DHX36: variants seen among roughly 807,000 people sequenced by gnomAD.
The protein encoded by DHX36 is DEAH-box helicase 36.
Under a neutral mutation model 139.0 loss-of-function variants are expected in DHX36, and 50 were observed. The observed-to-expected ratio is 0.36, with a 90% CI of 0.29 to 0.46. DHX36 has a LOEUF of 0.46. Ranked by LOEUF, DHX36 falls within the 20% of genes least tolerant of loss-of-function variation. The pLI is 1.00. For missense variants in DHX36, 1,024 were observed against 1,211.3 expected (o/e 0.85, Z 2.29); for synonymous variants, 425 against 401.9 (o/e 1.06, Z -0.69).
intron 18 of DHX36, 39 bp downstream of exon 18, chr3:154,284,775 A>C (rs1711505001): frequency 6.2e-7 from 1 of 1,608,348 alleles, no homozygotes; most frequent in Admixed American, 1.7e-5. Context: ...ACTCCTGTTC[A>C]CATCTAAAAT....
intron 13 of DHX36, among the ~76,000 whole-genome samples, chr3:154,294,740 T>G (rs1268275133): frequency 6.6e-6 from 1 of 152,132 alleles, no homozygotes; most frequent in Non-Finnish European, 1.5e-5. Context: ...TCTAATCAAT[T>G]TCATTTTGCA....
At chr3:154,305,609 G>A (rs1000308855) in intron 6 of DHX36, among the ~76,000 whole-genome samples, 13 of 152,060 alleles carry the variant, frequency 8.5e-5, no homozygotes, top group Admixed American at 5.2e-4. Context: ...GGCTCGAAAA[G>A]TAAAAAAATT....
rs954292951 is a variant in DHX36, at chr3:154,316,138, C to T, written c.269G>A (p.Arg90Gln). Reference sequence around the variant, plus strand: ...TAACTGTACAATTTGTTCTTCTCGTCGTTCATCCATGTGTACTACAGCTCT... The same window carrying T: ...TAACTGTACAATTTGTTCTTCTCGTTGTTCATCCATGTGTACTACAGCTCT... ...QERAVVHMDE[R>Q]REEQIVQLLN... The change falls in exon 2 of 25, where the codon CGA becomes CAA. Residue 90 changes from arginine to glutamine, a missense_variant. Arg to Gln is a conservative substitution (Grantham distance 43, BLOSUM62 1). Around this residue, in one of 4 missense-constraint regions of DHX36, gnomAD observed 293 missense variants for 274.4 expected, o/e 1.07. Transcript: ENST00000496811. The T allele has an allele frequency of 8.1e-6, 13 of 1,613,054 alleles. No individual in the cohort carries two copies. The East Asian group carries it at 2.0e-4, about 25-fold the overall frequency.
chr3:154,306,223 G>A lies in DHX36; in HGVS notation c.886C>T (p.Leu296Phe). 6.2e-7 allele frequency: 1 copy of A among 1,612,548 alleles called. No homozygotes were observed. The highest frequency in any genetic ancestry group is 8.5e-7 in the Non-Finnish European group (1 of 1,178,938). ...SGNSTGYQIRLQSRLPRKQGS... is the reference protein window; with the variant it reads ...SGNSTGYQIRFQSRLPRKQGS... ...GAAGTGAACATTTCTTACCTCTGGA[G>A]ACGAATTTGATATCCAGTACTATTA... Residue 296 changes from leucine (L) to phenylalanine (F), a missense_variant, in exon 6 of 25, where the codon CTC becomes TTC. Physicochemically the swap from Leu to Phe is conservative, Grantham distance 22. Transcript: ENST00000496811.
intron 15 of DHX36, among the ~76,000 whole-genome samples, chr3:154,291,134 C>CAAAAAAAAA (rs71152798): frequency 2.1e-4 from 13 of 61,052 alleles, no homozygotes; most frequent in African/African-American, 8.1e-4. Context: ...GACTCCGTCT[C>CAAAAAAAAA]AAAAAAAAAA....
chr3:154,284,506 AAT>A, intron 19 of DHX36, 75 bp downstream of exon 19: 2 of 1,299,964 alleles, frequency 1.5e-6, no homozygotes, highest in South Asian at 2.8e-5. Context: ...CAAAAGGTTA[AAT>A]ATGATCCTTA....
In DHX36 at chr3:154,288,875, C is replaced by A; in HGVS notation, c.2022G>T (p.Leu674=). 6.5e-7 allele frequency: 1 copy of A among 1,542,170 alleles called. No homozygotes were observed. Among genetic ancestry groups the A allele is most frequent in the Non-Finnish European group, 8.8e-7 (1 of 1,141,842 alleles). The change falls in exon 17 of 25, where the codon CTG becomes CTT. Residue 674 remains leucine, a synonymous_variant. Transcript: ENST00000496811. ...NEAVLLSIRH[L]MELNALDKQE... ...AAGAAAACAAATTTACCAGCTCCAT[C>A]AGGTGTCTTATGGAGAGTAACACTG... is the stretch of plus-strand genomic sequence containing the variant.
At chr3:154,295,216 G>C (rs1410779236) in intron 13 of DHX36, 68 bp downstream of exon 13, 5 of 907,974 alleles carry the variant, frequency 5.5e-6, no homozygotes, top group Non-Finnish European at 8.3e-6. Flanking sequence ...AGGAAAACAC[G>C]TAACAAGCAG....
intron 9 of DHX36, 50 bp downstream of exon 9, chr3:154,303,279 G>A: frequency 7.7e-7 from 1 of 1,302,778 alleles, no homozygotes; most frequent in Non-Finnish European, 1.1e-6. Context: ...CATGAGAAAA[G>A]TGATATATTA....
chr3:154,298,408 C>A (rs1464560294), intron 12 of DHX36, among the ~76,000 whole-genome samples: 1 of 152,048 alleles, frequency 6.6e-6, no homozygotes, highest in African/African-American at 2.4e-5. Flanking sequence ...CTAATCATGA[C>A]AAATTTTTCT....
At position 154,324,386 on chromosome 3, in the gene DHX36, G is replaced by A; in HGVS notation, c.31C>T (p.Arg11Cys). 2 of 1,582,158 alleles carry A rather than the reference G, an allele frequency of 1.3e-6. No individual in the cohort carries two copies. The highest frequency in any genetic ancestry group is 1.7e-6 in the Non-Finnish European group (2 of 1,161,758). MSYDYHQNWGRDGGPRSSGGG... is the reference protein window; with the variant it reads MSYDYHQNWGCDGGPRSSGGG... ...CCGGAGCTGCGGGGACCCCCATCAC[G>A]GCCCCAGTTCTGATGGTAGTCATAA... Residue 11 changes from arginine to cysteine, a missense_variant, in exon 1 of 25, where the codon CGT becomes TGT. By Grantham distance (180) the Arg-to-Cys change is radical. Coordinates refer to ENST00000496811, the MANE Select transcript of DHX36 (RefSeq NM_020865.3).
At chr3:154,276,413 T>A in intron 24 of DHX36, 57 bp from the exon 25 acceptor site, 2 of 1,485,962 alleles carry the variant, frequency 1.3e-6, no homozygotes, top group Admixed American at 2.1e-5. Context: ...CCAAATAACA[T>A]AATAAATGAA....
chr3:154,321,033 G>A (rs556730564), intron 1 of DHX36, among the ~76,000 whole-genome samples: 15 of 152,110 alleles, frequency 9.9e-5, no homozygotes, highest in Non-Finnish European at 1.8e-4. Context: ...TCAAATTGCT[G>A]TTTCTGAAAT....
intron 3 of DHX36, among the ~76,000 whole-genome samples, chr3:154,312,847 A>C (rs1235871228): frequency 3.1e-5 from 3 of 97,422 alleles, no homozygotes; most frequent in Admixed American, 1.3e-4. Flanking sequence ...AAAGGAAATA[A>C]TTAAAATATA....
intron 1 of DHX36, among the ~76,000 whole-genome samples, chr3:154,319,787 C>G (rs1713121474): frequency 6.6e-6 from 1 of 151,726 alleles, no homozygotes; most frequent in African/African-American, 2.4e-5. Flanking sequence ...CATAATTTGG[C>G]CCACTTTGAT....
intron 15 of DHX36, among the ~76,000 whole-genome samples, chr3:154,290,271 G>C (rs944866662): frequency 1.2e-4 from 18 of 152,142 alleles, no homozygotes; most frequent in African/African-American, 4.3e-4. Context: ...AGTTTTCAGA[G>C]GGATATTAAA....
chr3:154,314,995 A>T, intron 3 of DHX36, 51 bp downstream of exon 3: 1 of 1,301,152 alleles, frequency 7.7e-7, no homozygotes, highest in Non-Finnish European at 1.1e-6. Context: ...ATACATTTTT[A>T]TAAAGTGTAA....
At chr3:154,299,994 G>T in intron 11 of DHX36, 69 bp from the exon 12 acceptor site, 1 of 994,638 alleles carries the variant, frequency 1.0e-6, no homozygotes, top group Non-Finnish European at 1.6e-6. Flanking sequence ...AAAATTGTGT[G>T]CACACTGAAG....
At chr3:154,280,553 AATT>A in intron 22 of DHX36, 23 bp downstream of exon 22, 2 of 1,489,538 alleles carry the variant, frequency 1.3e-6, no homozygotes, top group South Asian at 2.3e-5. Flanking sequence ...AATTACGAGT[AATT>A]AATAATAATC....
Sources: allele counts gnomAD v4.1 joint callset (sites outside exome capture counted in the v4.1 genomes callset), GRCh38; gene constraint gnomAD v4.1.1; regional missense constraint gnomAD v4.1.1; transcripts MANE v1.5; gene names NCBI Gene and HGNC (gene_info 2026-07-23, HGNC 2026-07-21).